TP73: variants seen among roughly 807,000 people sequenced by gnomAD.
TP73 encodes the protein tumor protein p73, also known as p53-like transcription factor.
In TP73, 25 loss-of-function variants were observed where a neutral mutation model predicts 62.5. The observed-to-expected ratio is 0.40, with a 90% confidence interval of 0.29 to 0.56. The LOEUF is 0.56. Among genes scored for constraint, TP73 ranks in the 20% least tolerant of loss-of-function variants. The pLI, the probability that TP73 is intolerant of heterozygous loss-of-function variation, is 0.46. For synonymous variants in TP73, 423 were observed against 377.5 expected (o/e 1.12, Z -1.40); for missense variants, 754 against 913.3 (o/e 0.83, Z 2.25).
chr1:3,676,648 C>G (rs750051052), intron 1 of TP73, among the ~76,000 whole-genome samples: 8 of 151,956 alleles, frequency 5.3e-5, no homozygotes, highest in Non-Finnish European at 1.2e-4. Flanking sequence ...TGCGGCCAGG[C>G]CATCAGAGGA....
chr1:3,710,134 G>T (rs764792414), intron 4 of TP73, among the ~76,000 whole-genome samples: 1 of 149,090 alleles, frequency 6.7e-6, no homozygotes, highest in African/African-American at 2.5e-5. Context: ...GCTGTGCCTG[G>T]TGCCCAGCAG....
In TP73 at chr1:3,655,576, C is replaced by T. The variant is rs148702563; in HGVS notation, c.-34+2935C>T. ...GAGATGAGTTACTAAATGACAATAA[C>T]GCCTACTTTTCTTTTGAATTCCCGT... On this transcript the variant is annotated intron_variant, in intron 1 of 13. Coordinates refer to ENST00000378295, the MANE Select transcript of TP73 (RefSeq NM_005427.4). Among the ~76,000 whole-genome samples, 685 of 152,308 alleles carry T rather than the reference C, an allele frequency of 4.5e-3. 4 individuals are homozygous for T. Among genetic ancestry groups the T allele is most frequent in the African/African-American group, 0.013 (527 of 41,564 alleles).
Position 3,670,949 on chromosome 1 carries a change from T to C in TP73, c.-33-11384T>C, listed in dbSNP as rs1645226673. 6.6e-6 allele frequency among the ~76,000 whole-genome samples: 1 copy of C among 152,132 alleles called. No individual in the cohort carries two copies. Among genetic ancestry groups the C allele is most frequent in the Non-Finnish European group, 1.5e-5 (1 of 68,008 alleles). Reference sequence around the variant, plus strand: ...CCCGCAAAGAGTCAGCATGTGAATGTCTCTCCATGCGATGGGTGCTGGGAG... The same window carrying C: ...CCCGCAAAGAGTCAGCATGTGAATGCCTCTCCATGCGATGGGTGCTGGGAG... On this transcript the variant is annotated intron_variant, in intron 1 of 13. Coordinates refer to ENST00000378295, the MANE Select transcript of TP73 (RefSeq NM_005427.4). The surrounding 1 kb of genome is among the most constrained non-coding windows in gnomAD (Gnocchi z 5.9).
chr1:3,689,825 GC>G (rs1200789460), intron 3 of TP73, among the ~76,000 whole-genome samples: 1 of 152,146 alleles, frequency 6.6e-6, no homozygotes, highest in African/African-American at 2.4e-5. Context: ...GGGTCCGCAG[GC>G]CCCAGTCCCC....
chr1:3,675,782 C>A (rs1461613987), intron 1 of TP73, among the ~76,000 whole-genome samples: 1 of 152,064 alleles, frequency 6.6e-6, no homozygotes, highest in Non-Finnish European at 1.5e-5. Flanking sequence ...GGTTGTGGAG[C>A]CCTGTCTGCC....
chr1:3,682,745 G>C (rs1352055319), intron 2 of TP73, among the ~76,000 whole-genome samples: 1 of 152,196 alleles, frequency 6.6e-6, no homozygotes, highest in African/African-American at 2.4e-5. Context: ...CAGGGAAGAG[G>C]GACTGCTGCC....
intron 3 of TP73, among the ~76,000 whole-genome samples, chr1:3,695,824 C>G (rs975973746): frequency 7.2e-5 from 11 of 152,304 alleles, no homozygotes; most frequent in African/African-American, 2.6e-4. Context: ...GGCCAGGAGC[C>G]GCCTGCAGGC....
intron 10 of TP73, chr1:3,729,737 C>G (rs1641980794): frequency 2.7e-6 from 2 of 744,534 alleles, no homozygotes; most frequent in Non-Finnish European, 4.6e-6. Context: ...GTGACCATGA[C>G]CCACCAAGAC....
chr1:3,712,242 A>T (rs1447354076), intron 4 of TP73: 1 of 152,268 alleles, frequency 6.6e-6, no homozygotes, highest in South Asian at 2.1e-4. Context: ...AACGTGGATT[A>T]TTAGGGGAAA....
chr1:3,671,488 A>T (rs2102047243), intron 1 of TP73, among the ~76,000 whole-genome samples: 1 of 152,276 alleles, frequency 6.6e-6, no homozygotes, highest in East Asian at 1.9e-4. Context: ...TGACCCAGCC[A>T]TCGTCGGGAG....
At chr1:3,692,917 G>A (rs1645890233) in intron 3 of TP73, among the ~76,000 whole-genome samples, 1 of 152,212 alleles carries the variant, frequency 6.6e-6, no homozygotes, top group South Asian at 2.1e-4. Context: ...CCACTCGGCT[G>A]CTGCTGCCCG....
chr1:3,733,360 C>G lies in TP73; in HGVS notation c.*281C>G, dbSNP rs1642280247. On this transcript the variant is annotated 3_prime_UTR_variant, in exon 14 of 14. Transcript: ENST00000378295. ...GCCCACTCTCAGCCCTGCCACTGCC[C>G]CGGCGTGCTCCATGGCAGGCGTGGG... 2 of 502,854 alleles carry G rather than the reference C, an allele frequency of 4.0e-6. No individual in the cohort carries two copies. The highest frequency in any genetic ancestry group is 7.1e-6 in the Non-Finnish European group (2 of 281,784). The allele number at this position is 502,854 out of a possible 1,614,324, so 31.1% of individuals were successfully genotyped here.
Position 3,732,980 on chromosome 1 carries a change from C to T in TP73, c.1812C>T (p.Gly604=), listed in dbSNP as rs765043093. The change falls in exon 14 of 14, where the codon GGC becomes GGT. Residue 604 remains glycine (G), a synonymous_variant. Coordinates refer to ENST00000378295, the MANE Select transcript of TP73 (RefSeq NM_005427.4). ...TCCCCAACCGCGGCGGCCCAGGCGG[C>T]GGCCCTGACGAGTGGGCGGACTTCG... ...ITIPNRGGPG[G]GPDEWADFGF... 257 of 1,595,030 alleles carry T rather than the reference C, an allele frequency of 1.6e-4. No individual in the cohort carries two copies. Among genetic ancestry groups the T allele is most frequent in the Non-Finnish European group, 2.0e-4 (230 of 1,173,864 alleles).
rs892818267 is a variant in TP73 at position 3,672,059 on chromosome 1, C to T, written c.-33-10274C>T. ...TCTGGAAGGGCACGTCTGCTCAGAC[C>T]GCAGGGTAGGGAGTGGTCAGCAGGG... On this transcript the variant is annotated intron_variant, in intron 1 of 13. Transcript: ENST00000378295. This position sits in a 1 kb window ranked among gnomAD's most constrained non-coding sequence, Gnocchi z 5.3. Among the ~76,000 whole-genome samples the T allele has an allele frequency of 6.6e-5, 10 of 152,190 alleles. No individual in the cohort carries two copies. The highest frequency in any genetic ancestry group is 2.1e-4 in the South Asian group (1 of 4,824).
chr1:3,684,529 G>A (rs1645604235), intron 3 of TP73, among the ~76,000 whole-genome samples: 1 of 152,232 alleles, frequency 6.6e-6, no homozygotes, highest in Non-Finnish European at 1.5e-5. Flanking sequence ...ACTGGAGGGA[G>A]TGGGGGCTGT....
intron 3 of TP73, among the ~76,000 whole-genome samples, chr1:3,704,349 G>C (rs115229594): frequency 1.3e-5 from 2 of 152,096 alleles, no homozygotes; most frequent in Admixed American, 6.5e-5. Context: ...CCTTGGAATC[G>C]GGGTGCGCTC....
intron 3 of TP73, among the ~76,000 whole-genome samples, chr1:3,690,516 G>A (rs1645787106): frequency 6.6e-6 from 1 of 152,236 alleles, no homozygotes; most frequent in South Asian, 2.1e-4. Context: ...GAGCCCTGGT[G>A]GGTTTAATTA....
intron 1 of TP73, among the ~76,000 whole-genome samples, chr1:3,669,635 C>T (rs999255939): frequency 2.6e-5 from 4 of 152,260 alleles, no homozygotes; most frequent in Admixed American, 6.5e-5. Flanking sequence ...TTTGTGGCCC[C>T]GGAGCCTCTC....
At chr1:3,725,988 TGGATG>T (rs1404480207) in intron 6 of TP73, among the ~76,000 whole-genome samples, 4 of 86,062 alleles carry the variant, frequency 4.6e-5, no homozygotes, top group Non-Finnish European at 9.0e-5. Flanking sequence ...GGTGGATGGA[TGGATG>T]GGATGGGTGG....
Sources: gnomAD v4.1 joint callset for allele counts (sites outside exome capture counted in the v4.1 genomes callset) on GRCh38, gnomAD v4.1.1 for gene constraint, Gnocchi (gnomAD v3.1) non-coding constraint, MANE v1.5 for transcripts, NCBI Gene and HGNC (gene_info 2026-07-23, HGNC 2026-07-21) for gene names.